Variants in NTAN1 observed in about 807,000 individuals in gnomAD.
The protein encoded by NTAN1 is protein N-terminal asparagine amidohydrolase.
NTAN1 carries 32 observed loss-of-function variants against 41.9 expected under a neutral mutation model. That is an observed-to-expected ratio of 0.76 (90% CI 0.58 to 1.03). NTAN1 has a LOEUF of 1.03. NTAN1 is among the 50% of genes least tolerant of loss of function. The probability of loss-of-function intolerance (pLI) is 0.00; values close to 1 mark genes in which losing one functional copy is unlikely to be tolerated. For synonymous variants in NTAN1, 140 were observed against 139.5 expected (o/e 1.00, Z -0.03); for missense variants, 377 against 377.5 (o/e 1.00, Z 0.01).
intron 1 of NTAN1, among the ~76,000 whole-genome samples, chr16:15,051,335 CAGT>C (rs2044282120): frequency 6.6e-6 from 1 of 152,220 alleles, no homozygotes; most frequent in East Asian, 1.9e-4. Flanking sequence ...AAAACTAAAA[CAGT>C]AGACTGCTTT....
Position 15,047,539 on chromosome 16 carries a change from T to C in NTAN1, c.262A>G (p.Thr88Ala). The change falls in exon 4 of 10, where the codon ACC (threonine) becomes GCC (alanine). Residue 88 changes from threonine to alanine, a missense_variant. Thr to Ala is a moderately conservative substitution (Grantham distance 58, BLOSUM62 0). Coordinates refer to ENST00000287706, the MANE Select transcript of NTAN1 (RefSeq NM_173474.4). ...VVLRHTGNGA[T>A]CLTHCDGTDT... ...GTTCCGTCACAATGTGTCAAGCAGG[T>C]GGCCCCATTACCTGAAGAACAAGGG... 6.2e-7 allele frequency: 1 copy of C among 1,613,054 alleles called. No individual in the cohort carries two copies. Among genetic ancestry groups the C allele is most frequent in the Non-Finnish European group, 8.5e-7 (1 of 1,179,014 alleles).
intron 9 of NTAN1, 172 bp downstream of exon 9, chr16:15,038,402 T>C: frequency 1.6e-6 from 1 of 624,518 alleles, no homozygotes. Flanking sequence ...CATCTAGGAC[T>C]TGACATATCC....
intron 1 of NTAN1, among the ~76,000 whole-genome samples, chr16:15,049,762 C>T (rs2044225143): frequency 2.6e-5 from 4 of 152,150 alleles, no homozygotes; most frequent in African/African-American, 9.6e-5. Context: ...CTGGGAGCAG[C>T]AATGGAAAAG....
chr16:15,047,144 C>T (rs1332891974), intron 4 of NTAN1: 4 of 424,654 alleles, frequency 9.4e-6, no homozygotes, highest in Admixed American at 3.9e-5. Flanking sequence ...CTACCACACC[C>T]GGGGGAGAGC....
rs1324535697 is a variant in NTAN1, at chr16:15,055,872, C to A, written c.81+19G>T. 2 of 1,212,474 alleles carry A rather than the reference C, an allele frequency of 1.6e-6. No individual in the cohort carries two copies. Among genetic ancestry groups the A allele is most frequent in the Non-Finnish European group, 2.1e-6 (2 of 970,140 alleles). The allele number at this position is 1,212,474 out of a possible 1,614,324, so 75.1% of individuals were successfully genotyped here. ...TCCCCTCGGGCCCGCCCCGAAGCCC[C>A]GCGCCGCGCCCCACTCACCTCCAAA... is the stretch of plus-strand genomic sequence containing the variant. On this transcript the variant is annotated intron_variant, in intron 1 of 9. Transcript: ENST00000287706.
chr16:15,038,372 G>A (rs1450611442), intron 9 of NTAN1, 162 bp from the exon 10 acceptor site: 3 of 631,176 alleles, frequency 4.8e-6, no homozygotes, highest in East Asian at 2.8e-5. Context: ...ATTGCTTACT[G>A]CTTTACCCAC....
chr16:15,038,782 A>G (rs1287416399), intron 8 of NTAN1, 95 bp from the exon 9 acceptor site: 1 of 672,522 alleles, frequency 1.5e-6, no homozygotes, highest in Middle Eastern at 2.5e-4. Context: ...CCTTTCATGC[A>G]TTTATCTGCC....
intron 1 of NTAN1, among the ~76,000 whole-genome samples, chr16:15,053,941 A>G (rs1336991728): frequency 6.6e-6 from 1 of 152,058 alleles, no homozygotes; most frequent in Non-Finnish European, 1.5e-5. Flanking sequence ...ACAAACAAAC[A>G]AAAAACCCAA....
rs372707322 is a variant in NTAN1, at chr16:15,038,168, C to T, written c.796G>A (p.Glu266Lys). Residue 266 changes from glutamate to lysine, a missense_variant, in exon 10 of 10, where the codon GAA (glutamate) becomes AAA (lysine). Coordinates refer to ENST00000287706, the MANE Select transcript of NTAN1 (RefSeq NM_173474.4). ...SPLAEPPHFV[E>K]HIRSTLMFLK... The stretch of plus-strand genomic sequence containing the variant: ...AACATCAAGGTAGATCTAATATGTT[C>T]AACAAAGTGGGGTGGCTCAGCCAGA... The T allele has an allele frequency of 6.2e-7, 1 of 1,613,448 alleles. No individual in the cohort carries two copies. The highest frequency in any genetic ancestry group is 1.1e-5 in the South Asian group (1 of 90,936).
intron 6 of NTAN1, among the ~76,000 whole-genome samples, 170 bp from the exon 7 acceptor site, chr16:15,041,291 G>A (rs1189564732): frequency 6.6e-6 from 1 of 152,136 alleles, no homozygotes; most frequent in Non-Finnish European, 1.5e-5. Context: ...AAGGCAGGGG[G>A]GTTTATACTG....
At position 15,038,151 on chromosome 16, in the gene NTAN1, G is replaced by C. The variant is rs1268115247; in HGVS notation, c.813C>G (p.Thr271=). Residue 271 remains threonine, a synonymous_variant, in exon 10 of 10, where the codon ACC becomes ACG. Transcript: ENST00000287706. Reference sequence around the variant, plus strand: ...ATGGGTGTTTTTTTAAAAACATCAAGGTAGATCTAATATGTTCAACAAAGT... The same window carrying C: ...ATGGGTGTTTTTTTAAAAACATCAACGTAGATCTAATATGTTCAACAAAGT... ...PPHFVEHIRS[T]LMFLKKHPSP... 1.2e-6 allele frequency: 2 copies of C among 1,612,998 alleles called. No individual in the cohort carries two copies. The highest frequency in any genetic ancestry group is 2.2e-5 in the South Asian group (2 of 91,046).
At chr16:15,047,148 G>A in intron 4 of NTAN1, 1 of 435,804 alleles carries the variant, frequency 2.3e-6, no homozygotes. Context: ...CACACCCGGG[G>A]GAGAGCAAAA....
At chr16:15,054,648 C>T (rs903151255) in intron 1 of NTAN1, among the ~76,000 whole-genome samples, 3 of 152,158 alleles carry the variant, frequency 2.0e-5, no homozygotes, top group Non-Finnish European at 2.9e-5. Context: ...GCCTTCTCCC[C>T]GTCAGTAAGT....
At chr16:15,038,517 C>T in intron 9 of NTAN1, 57 bp downstream of exon 9, 1 of 1,001,522 alleles carries the variant, frequency 1.0e-6, no homozygotes, top group South Asian at 1.4e-5. Flanking sequence ...TTTTTTCTTA[C>T]AGATGGGGAA....
At chr16:15,044,457 T>C in intron 4 of NTAN1, 50 bp from the exon 5 acceptor site, 3 of 1,161,604 alleles carry the variant, frequency 2.6e-6, no homozygotes, top group Non-Finnish European at 3.9e-6. Context: ...CACCGGTGCG[T>C]GCGCTGGTCT....
chr16:15,040,157 A>G (rs1022437461), intron 7 of NTAN1, 91 bp from the exon 8 acceptor site: 2 of 686,576 alleles, frequency 2.9e-6, no homozygotes, highest in Non-Finnish European at 5.1e-6. Flanking sequence ...CTCCTAAGAG[A>G]AAGATAGGAA....
At chr16:15,050,348 C>T (rs2044246601) in intron 1 of NTAN1, among the ~76,000 whole-genome samples, 1 of 152,184 alleles carries the variant, frequency 6.6e-6, no homozygotes, top group Admixed American at 6.5e-5. Context: ...GTATTGCCTA[C>T]ACAGGAAGAC....
chr16:15,051,261 C>T (rs2044279832), intron 1 of NTAN1, among the ~76,000 whole-genome samples: 1 of 152,240 alleles, frequency 6.6e-6, no homozygotes, highest in Admixed American at 6.5e-5. Flanking sequence ...TGTCTCTCTT[C>T]AACACAGCTC....
intron 4 of NTAN1, 31 bp from the exon 5 acceptor site, chr16:15,044,438 A>T (rs1399146794): frequency 2.8e-6 from 4 of 1,453,532 alleles, no homozygotes; most frequent in Non-Finnish European, 3.9e-6. Flanking sequence ...GTCAGAGGCC[A>T]GAAGAAGACA....
Sources: gnomAD v4.1 joint callset for allele counts (sites outside exome capture counted in the v4.1 genomes callset) on GRCh38, gnomAD v4.1.1 for gene constraint, MANE v1.5 for transcripts, NCBI Gene and HGNC (gene_info 2026-07-23, HGNC 2026-07-21) for gene names.